CAPN8: variants seen among roughly 807,000 people sequenced by gnomAD.
CAPN8 encodes calpain-8.
CAPN8 carries 87 observed loss-of-function variants against 80.9 expected under a neutral mutation model. The ratio of observed to expected loss-of-function variants is 1.07; its 90% CI spans 0.90 to 1.28. The LOEUF (loss-of-function observed/expected upper bound fraction) is 1.28, where lower values mean the gene tolerates loss of function less well. CAPN8 is among the 50% of genes most tolerant of loss of function. The probability of loss-of-function intolerance (pLI) is 0.00; values close to 1 mark genes in which losing one functional copy is unlikely to be tolerated. For missense variants in CAPN8, 757 were observed against 702.0 expected, an observed-to-expected ratio of 1.08 and a Z score of -0.89; for synonymous variants, 299 against 273.8, an observed-to-expected ratio of 1.09 and a Z score of -0.91.
intron 1 of CAPN8, among the ~76,000 whole-genome samples, chr1:223,658,595 G>T (rs1471733004): frequency 6.6e-6 from 1 of 152,128 alleles, no homozygotes; most frequent in African/African-American, 2.4e-5. Flanking sequence ...TTGAGGTCAG[G>T]AGTTTGAGAC....
At position 223,551,306 on chromosome 1, in the gene CAPN8, C is replaced by T. The variant is rs555718770; in HGVS notation, c.1642-289G>A. On this transcript the variant is annotated intron_variant, in intron 14 of 20. Coordinates refer to ENST00000366872, the MANE Select transcript of CAPN8 (RefSeq NM_001143962.2). ...TACAGATGCGTGCCACCACGCCTGG[C>T]TAATTTTTGTATTTTTAGTAGAGAC... 3.3e-5 allele frequency among the ~76,000 whole-genome samples: 5 copies of T among 152,282 alleles called. No individual in the cohort carries two copies. The East Asian group carries it at 9.6e-4, about 29-fold the overall frequency.
chr1:223,631,036 A>G (rs1042082526), intron 2 of CAPN8, among the ~76,000 whole-genome samples: 3 of 152,030 alleles, frequency 2.0e-5, no homozygotes, highest in Non-Finnish European at 4.4e-5. Flanking sequence ...CCTTCACAAT[A>G]TGACTCCAAC....
intron 2 of CAPN8, among the ~76,000 whole-genome samples, chr1:223,638,508 G>A (rs74145958): frequency 0.033 from 4,968 of 152,182 alleles, 201 homozygotes; most frequent in African/African-American, 0.093. Flanking sequence ...ATGTTCCCCC[G>A]TGGGTAAGCC....
intron 16 of CAPN8, among the ~76,000 whole-genome samples, chr1:223,548,819 T>G (rs557846511): frequency 4.1e-4 from 63 of 152,140 alleles, no homozygotes; most frequent in Non-Finnish European, 8.1e-4. Flanking sequence ...GGAGAACAAA[T>G]AGATTTTATC....
chr1:223,652,292 A>C (rs1658363299), intron 2 of CAPN8, among the ~76,000 whole-genome samples: 2 of 151,992 alleles, frequency 1.3e-5, no homozygotes, highest in African/African-American at 4.8e-5. Context: ...CAGTGAGCCG[A>C]TATCGGGCCA....
At chr1:223,625,080 G>A (rs891164424) in intron 6 of CAPN8, among the ~76,000 whole-genome samples, 9 of 152,232 alleles carry the variant, frequency 5.9e-5, no homozygotes, top group South Asian at 2.1e-4. Flanking sequence ...GCGACAGAGC[G>A]AGACTCCGTC....
chr1:223,625,148 T>A (rs1300037150), intron 6 of CAPN8, among the ~76,000 whole-genome samples: 1 of 152,220 alleles, frequency 6.6e-6, no homozygotes, highest in Non-Finnish European at 1.5e-5. Flanking sequence ...CCATGTTTTT[T>A]CCTCGGGTTG....
chr1:223,644,942 GGGAGTTTATTAA>G, intron 2 of CAPN8, among the ~76,000 whole-genome samples: 1 of 152,296 alleles, frequency 6.6e-6, no homozygotes, highest in Non-Finnish European at 1.5e-5. Context: ...ATATATGAAA[GGGAGTTTATTAA>G]GGAGTATTGA....
intron 1 of CAPN8, among the ~76,000 whole-genome samples, chr1:223,656,668 GTTTTTTTGTTTTGTT>G (rs1413242787): frequency 2.1e-5 from 2 of 94,798 alleles, no homozygotes; most frequent in South Asian, 4.0e-4. Flanking sequence ...CACGTTTTGG[GTTTTTTTGTTTTGTT>G]TTTTTTTTTT....
intron 10 of CAPN8, among the ~76,000 whole-genome samples, chr1:223,614,879 A>T (rs1327484482): frequency 2.6e-5 from 4 of 152,230 alleles, no homozygotes; most frequent in Non-Finnish European, 5.9e-5. Context: ...CTAGGTGGAG[A>T]TGAAAGAGCC....
intron 9 of CAPN8, chr1:223,618,299 A>G (rs1319471491): frequency 3.2e-6 from 5 of 1,550,378 alleles, no homozygotes; most frequent in Admixed American, 3.9e-5. Flanking sequence ...GGGACACATT[A>G]GTGATCTTCT....
rs1355509378 is a variant in CAPN8 at position 223,551,018 on chromosome 1, C to T, written c.1642-1G>A. 1 of 718,088 alleles carries T rather than the reference C, an allele frequency of 1.4e-6. No individual in the cohort carries two copies. Among genetic ancestry groups the T allele is most frequent in the East Asian group, 2.7e-5 (1 of 37,272 alleles). The allele number at this position is 718,088 out of a possible 1,614,324, so 44.5% of individuals were successfully genotyped here. A position where few individuals can be genotyped will look rare whatever the true frequency, so the allele number is the denominator to read the frequency against. On this transcript the variant is annotated splice_acceptor_variant, in intron 14 of 20. Transcript: ENST00000366872. LOFTEE classifies it high-confidence loss of function. ...GTGCATTGGCAGTAATCTCAGAATC[C>T]TAGAAAGAGGAACCCAAATGCAAAT...
rs1374730704 is a variant in CAPN8, at chr1:223,619,446, G to C, written c.982C>G (p.Leu328Val). ...KVEDGEFWMS[L>V]SDFVRQFSRL... ...GAGAACTGCCTCACGAAATCTGAAA[G>C]TGACATCCTGGGGCAGAGGCACCAG... The change falls in exon 9 of 21, where the codon CTT becomes GTT. Residue 328 changes from leucine to valine, a missense_variant. Physicochemically the swap from Leu to Val is conservative, Grantham distance 32. Transcript: ENST00000366872. The C allele has an allele frequency of 3.9e-6, 6 of 1,551,604 alleles. No homozygotes were observed. In the African/African-American group the frequency reaches 4.1e-5, roughly 11 times the overall value.
chr1:223,623,316 C>T (rs1021311538), intron 6 of CAPN8, among the ~76,000 whole-genome samples: 2 of 152,174 alleles, frequency 1.3e-5, no homozygotes, highest in Non-Finnish European at 2.9e-5. Flanking sequence ...ATTTTAGGTG[C>T]TTTATTGCCT....
At chr1:223,641,971 C>G (rs1051088557) in intron 2 of CAPN8, among the ~76,000 whole-genome samples, 7 of 152,238 alleles carry the variant, frequency 4.6e-5, no homozygotes, top group African/African-American at 1.7e-4. Flanking sequence ...CTTCAATCCA[C>G]CACCATTCAA....
intron 4 of CAPN8, among the ~76,000 whole-genome samples, chr1:223,627,686 A>C (rs974645379): frequency 6.6e-6 from 1 of 152,190 alleles, no homozygotes; most frequent in African/African-American, 2.4e-5. Flanking sequence ...ATTATTCTTC[A>C]TCATTCTTTT....
intron 15 of CAPN8, among the ~76,000 whole-genome samples, chr1:223,549,865 A>G (rs1656736621): frequency 6.6e-6 from 1 of 152,192 alleles, no homozygotes; most frequent in Non-Finnish European, 1.5e-5. Context: ...ACTCTTCAAA[A>G]TCACTCCGTG....
intron 5 of CAPN8, among the ~76,000 whole-genome samples, chr1:223,626,259 C>T (rs1274963930): frequency 1.3e-5 from 2 of 152,152 alleles, no homozygotes; most frequent in Non-Finnish European, 2.9e-5. Flanking sequence ...CCTGAGTGGA[C>T]TCCTCATTAC....
In CAPN8 at chr1:223,622,898, C is replaced by T. The variant is rs1169895702; in HGVS notation, c.816G>A (p.Val272=). 5.8e-6 allele frequency: 9 copies of T among 1,551,200 alleles called. No individual in the cohort carries two copies. Among genetic ancestry groups the T allele is most frequent in the Non-Finnish European group, 7.8e-6 (9 of 1,146,624 alleles). ...HAYSVTGVEE[V]NFQGHPEKLI... is the part of the protein sequence containing the mutation. ...GCTTCTCTGGATGGCCCTGGAAATT[C>T]ACCTGCAAATTCCATACACAGAAAA... The change falls in exon 7 of 21, where the codon GTG becomes GTA. Residue 272 remains valine (V), a splice_region_variant and synonymous_variant. Transcript: ENST00000366872.
Sources: gnomAD v4.1 joint callset for allele counts (sites outside exome capture counted in the v4.1 genomes callset) on GRCh38, gnomAD v4.1.1 for gene constraint, MANE v1.5 for transcripts, NCBI Gene and HGNC (gene_info 2026-07-23, HGNC 2026-07-21) for gene names.